The following C1orf21 variants were observed in gnomAD, a reference collection of about 807,000 sequenced individuals.
The protein encoded by C1orf21 is chromosome 1 open reading frame 21, also known as uncharacterized protein C1orf21.
A neutral mutation model predicts 18.7 loss-of-function variants in C1orf21; 3 were observed. The observed-to-expected ratio is 0.16, with a 90% CI of 0.07 to 0.42. The LOEUF (loss-of-function observed/expected upper bound fraction) is 0.42. Ranked by LOEUF, C1orf21 falls within the 10% of genes least tolerant of loss-of-function variation. The pLI is 0.99. For missense variants in C1orf21, 104 were observed against 143.6 expected (o/e 0.72, Z 1.41); for synonymous variants, 41 against 46.4 (o/e 0.88, Z 0.47).
At chr1:184,504,311 C>G (rs1454117144) in intron 2 of C1orf21, among the ~76,000 whole-genome samples, 1 of 149,132 alleles carries the variant, frequency 6.7e-6, no homozygotes, top group Admixed American at 6.7e-5. Context: ...GGTCCTGTGT[C>G]TCCCTTCTCT....
At chr1:184,427,958 C>T (rs1045936835) in intron 1 of C1orf21, among the ~76,000 whole-genome samples, 2 of 152,156 alleles carry the variant, frequency 1.3e-5, no homozygotes, top group African/African-American at 2.4e-5. Context: ...GGCTGGAACA[C>T]TCAATGACTT....
chr1:184,406,992 G>A (rs868179391), intron 1 of C1orf21, among the ~76,000 whole-genome samples: 10 of 151,958 alleles, frequency 6.6e-5, no homozygotes, highest in African/African-American at 1.7e-4. Context: ...TCTAGAGACC[G>A]AGTCTTGCTC....
At chr1:184,547,552 C>T (rs1658743988) in intron 3 of C1orf21, among the ~76,000 whole-genome samples, 1 of 151,142 alleles carries the variant, frequency 6.6e-6, no homozygotes, top group African/African-American at 2.4e-5. Flanking sequence ...CAGGGAAGCT[C>T]TGTTTCCTTC....
intron 1 of C1orf21, among the ~76,000 whole-genome samples, chr1:184,404,311 A>G (rs1414689886): frequency 6.6e-6 from 1 of 152,184 alleles, no homozygotes; most frequent in East Asian, 1.9e-4. Flanking sequence ...TTGTGCTGCT[A>G]TAACAGAACA....
chr1:184,611,394 GGCCCTGCAGCCCTGCAGGC>G (rs2102008698), intron 5 of C1orf21, among the ~76,000 whole-genome samples: 1 of 152,308 alleles, frequency 6.6e-6, no homozygotes, highest in East Asian at 1.9e-4. Flanking sequence ...ACAGGAGGAG[GGCCCTGCAGCCCTGCAGGC>G]GGTGGTTTAA....
chr1:184,617,602 C>T (rs1659847888), intron 5 of C1orf21, among the ~76,000 whole-genome samples: 1 of 152,170 alleles, frequency 6.6e-6, no homozygotes, highest in African/African-American at 2.4e-5. Flanking sequence ...AGGGAGGCTG[C>T]CCATGGGATG....
intron 3 of C1orf21, among the ~76,000 whole-genome samples, chr1:184,516,749 A>G (rs891828121): frequency 1.3e-5 from 2 of 152,340 alleles, no homozygotes; most frequent in Non-Finnish European, 2.9e-5. Flanking sequence ...ATCTCCCACT[A>G]GGTCCCTCCC....
chr1:184,533,129 C>A (rs1025289009), intron 3 of C1orf21, among the ~76,000 whole-genome samples: 1 of 152,102 alleles, frequency 6.6e-6, no homozygotes, highest in Admixed American at 6.6e-5. Context: ...TCTCACTCCT[C>A]TCTGGGGTCC....
intron 1 of C1orf21, among the ~76,000 whole-genome samples, chr1:184,402,864 T>C (rs558815039): frequency 1.3e-5 from 2 of 152,156 alleles, no homozygotes; most frequent in African/African-American, 4.8e-5. Flanking sequence ...TATTAAGTGT[T>C]TGGAAAAGGC....
intron 1 of C1orf21, among the ~76,000 whole-genome samples, chr1:184,397,066 C>A (rs1006053862): frequency 3.3e-5 from 5 of 152,056 alleles, no homozygotes; most frequent in African/African-American, 1.2e-4. Flanking sequence ...TTCTAGGGAA[C>A]CCCCGTGTTT....
chr1:184,536,243 T>C (rs754371909), intron 3 of C1orf21, among the ~76,000 whole-genome samples: 6 of 152,178 alleles, frequency 3.9e-5, no homozygotes, highest in Non-Finnish European at 5.9e-5. Flanking sequence ...ATTTATTTCT[T>C]CCACGTACAA....
chr1:184,572,120 A>G (rs1659121326), intron 3 of C1orf21, among the ~76,000 whole-genome samples: 1 of 152,190 alleles, frequency 6.6e-6, no homozygotes, highest in African/African-American at 2.4e-5. Flanking sequence ...GGGTGCTGTC[A>G]ATGAGAGCTA....
intron 1 of C1orf21, among the ~76,000 whole-genome samples, chr1:184,399,165 T>C (rs1279452823): frequency 3.3e-5 from 5 of 152,070 alleles, no homozygotes; most frequent in Admixed American, 2.0e-4. Context: ...TCTCTGGAAG[T>C]TTATTTGTTG....
At chr1:184,401,425 A>G (rs1444260255) in intron 1 of C1orf21, among the ~76,000 whole-genome samples, 1 of 151,990 alleles carries the variant, frequency 6.6e-6, no homozygotes, top group Non-Finnish European at 1.5e-5. Context: ...TTCGCCACGC[A>G]GCCAGCCTGG....
At chr1:184,534,879 C>G (rs1016260838) in intron 3 of C1orf21, among the ~76,000 whole-genome samples, 5 of 151,946 alleles carry the variant, frequency 3.3e-5, no homozygotes, top group Admixed American at 3.3e-4. Context: ...GGGCGGGTGA[C>G]AGCCCAGGCA....
rs139435954 is a variant in C1orf21 at position 184,596,413 on chromosome 1, T to C, written c.267-1988T>C. ...AGAAATATTTTTGGCCCTCCTGCTATATTCAAGGCAATATAATGCTAAAAC... is the reference window on the plus strand; with the variant it reads ...AGAAATATTTTTGGCCCTCCTGCTACATTCAAGGCAATATAATGCTAAAAC... On this transcript the variant is annotated intron_variant, in intron 4 of 5. Coordinates refer to ENST00000235307, the MANE Select transcript of C1orf21 (RefSeq NM_030806.4). Among the ~76,000 whole-genome samples, 968 of 152,274 alleles carry C rather than the reference T, an allele frequency of 6.4e-3. 3 individuals are homozygous for C. Among genetic ancestry groups the C allele is most frequent in the Middle Eastern group, 0.017 (5 of 294 alleles).
chr1:184,398,239 A>G (rs189443758), intron 1 of C1orf21, among the ~76,000 whole-genome samples: 72 of 152,214 alleles, frequency 4.7e-4, no homozygotes, highest in African/African-American at 1.7e-3. Flanking sequence ...CACGACATGC[A>G]CTGTTCCTTT....
Position 184,620,114 on chromosome 1 carries a change from C to G in C1orf21, c.*558C>G, listed in dbSNP as rs1659893668. The G allele has an allele frequency of 6.6e-6, 1 of 152,644 alleles. No individual in the cohort carries two copies. Among genetic ancestry groups the G allele is most frequent in the African/African-American group, 2.4e-5 (1 of 41,404 alleles). 9.5% of individuals were successfully genotyped at this position (152,644 alleles called of 1,614,324 possible). ...TCTCTGCTCAGAAGAAGTAGAGAAG[C>G]TATTATCAATTAAAAGCATGCTGTG... On this transcript the variant is annotated 3_prime_UTR_variant, in exon 6 of 6. Transcript: ENST00000235307.
intron 5 of C1orf21, chr1:184,599,364 A>G (rs207460760): frequency 6.6e-6 from 1 of 152,172 alleles, no homozygotes; most frequent in African/African-American, 2.4e-5. Context: ...TTTCTAAGCT[A>G]TGATGTATAT....
Sources: allele counts gnomAD v4.1 joint callset (sites outside exome capture counted in the v4.1 genomes callset), GRCh38; gene constraint gnomAD v4.1.1; transcripts MANE v1.5; gene names NCBI Gene and HGNC (gene_info 2026-07-23, HGNC 2026-07-21).